Variants in ZFR observed in about 807,000 individuals in gnomAD.
ZFR encodes the protein zinc finger RNA-binding protein.
Under a neutral mutation model 130.7 loss-of-function variants are expected in ZFR, and 19 were observed. The observed-to-expected ratio is 0.15, with a 90% CI of 0.10 to 0.21. The LOEUF (loss-of-function observed/expected upper bound fraction) is 0.21. Ranked by LOEUF, ZFR falls within the 10% of genes least tolerant of loss-of-function variation. ZFR has a pLI of 1.00. For synonymous variants in ZFR, 466 were observed against 456.9 expected (o/e 1.02, Z -0.25); for missense variants, 872 against 1,321.5 (o/e 0.66, Z 5.27).
intron 2 of ZFR, among the ~76,000 whole-genome samples, chr5:32,428,337 C>G (rs936708842): frequency 6.6e-6 from 1 of 152,112 alleles, no homozygotes; most frequent in Non-Finnish European, 1.5e-5. Context: ...TCGCTTGAAC[C>G]AAGGAGGCGG....
At chr5:32,398,661 T>G (rs1207216297) in intron 9 of ZFR, among the ~76,000 whole-genome samples, 5 of 152,146 alleles carry the variant, frequency 3.3e-5, no homozygotes. Context: ...AACAAAGAAT[T>G]CAATACACAA....
At chr5:32,380,348 A>G (rs1752907188) in intron 15 of ZFR, 176 bp from the exon 16 acceptor site, 3 of 473,432 alleles carry the variant, frequency 6.3e-6, no homozygotes, top group Non-Finnish European at 1.1e-5. Context: ...GAGGAACAAA[A>G]GGTTAACTTA....
At chr5:32,411,319 G>T (rs950967513) in intron 5 of ZFR, among the ~76,000 whole-genome samples, 10 of 152,210 alleles carry the variant, frequency 6.6e-5, no homozygotes, top group African/African-American at 2.2e-4. Context: ...AGAGAGAAAT[G>T]AGAGTAACAG....
intron 17 of ZFR, among the ~76,000 whole-genome samples, chr5:32,376,601 C>G (rs144667506): frequency 0.045 from 6,557 of 145,510 alleles, 153 homozygotes; most frequent in Middle Eastern, 0.097. Flanking sequence ...GAGCGAGACT[C>G]TGTGTCAAAA....
chr5:32,418,936 C>T (rs1753892030), intron 3 of ZFR, among the ~76,000 whole-genome samples: 1 of 152,014 alleles, frequency 6.6e-6, no homozygotes, highest in African/African-American at 2.4e-5. Context: ...TGTAGAATTC[C>T]TATAAGACTG....
intron 1 of ZFR, 110 bp from the exon 2 acceptor site, chr5:32,444,438 C>G: frequency 7.5e-7 from 1 of 1,339,184 alleles, no homozygotes. Context: ...GAGAGCAGCC[C>G]TGGCGGGGCC....
At position 32,444,237 on chromosome 5, in the gene ZFR, G is replaced by GGCCGCAGCC; in HGVS notation, c.120_128dup (p.Ala41_Ala43dup). 1.9e-6 allele frequency: 3 copies of GGCCGCAGCC among 1,588,698 alleles called. No homozygotes were observed. Among genetic ancestry groups the GGCCGCAGCC allele is most frequent in the Non-Finnish European group, 2.6e-6 (3 of 1,169,134 alleles). ...AGGCAGGATGCCGTTACCTATATTG[G>GGCCGCAGCC]GCCGCAGCCGCCGCCGCCGCCGCCC... On this transcript the variant is annotated inframe_insertion, in exon 2 of 20. Coordinates refer to ENST00000265069, the MANE Select transcript of ZFR (RefSeq NM_016107.5).
rs370998112 is a variant in ZFR, at chr5:32,436,140, C to CTTTTTT, written c.137+8083_137+8088dup. Among the ~76,000 whole-genome samples, 12 of 91,794 alleles carry CTTTTTT rather than the reference C, an allele frequency of 1.3e-4. 2 individuals carry two copies. Among genetic ancestry groups the CTTTTTT allele is most frequent in the African/African-American group, 2.3e-4 (5 of 22,154 alleles). 60.2% of individuals were successfully genotyped at this position (91,794 alleles called of 152,430 possible). ...TAAAGTTGGTAACCACAGTTGTATT[C>CTTTTTT]TTTTTTTTTTTTTTTTTTTTTTTTT... is the stretch of plus-strand genomic sequence containing the variant. On this transcript the variant is annotated intron_variant, in intron 2 of 19. Coordinates refer to ENST00000265069, the MANE Select transcript of ZFR (RefSeq NM_016107.5).
chr5:32,438,134 T>C (rs1581719925), intron 2 of ZFR, among the ~76,000 whole-genome samples: 1 of 151,862 alleles, frequency 6.6e-6, no homozygotes, highest in Non-Finnish European at 1.5e-5. Flanking sequence ...GAATACTTCA[T>C]TTGTTTTATT....
chr5:32,388,471 G>T lies in ZFR; in HGVS notation c.2346C>A (p.Asp782Glu), dbSNP rs754977283. 2 of 1,613,326 alleles carry T rather than the reference G, an allele frequency of 1.2e-6. No individual in the cohort carries two copies. Among genetic ancestry groups the T allele is most frequent in the Non-Finnish European group, 1.7e-6 (2 of 1,179,648 alleles). Residue 782 changes from aspartate to glutamate, a missense_variant and splice_region_variant, in exon 13 of 20, where the codon GAC (aspartate) becomes GAA (glutamate). Transcript: ENST00000265069. ...GGTAAATAACTTTCAAAACACACCT[G>T]TCTTTACCTCCCTCTTTCTTATCAT... ...EGDDKKEGGK[D>E]RALKGVLRVG...
At chr5:32,385,723 T>C in intron 14 of ZFR, 74 bp from the exon 15 acceptor site, 2 of 1,534,218 alleles carry the variant, frequency 1.3e-6, no homozygotes, top group Non-Finnish European at 1.8e-6. Flanking sequence ...ATTATGGCTC[T>C]TTCACTCTCT....
chr5:32,379,107 C>T lies in ZFR; in HGVS notation c.2835+8G>A, dbSNP rs1314995708. 3.1e-6 allele frequency: 5 copies of T among 1,605,846 alleles called. No individual in the cohort carries two copies. Among genetic ancestry groups the T allele is most frequent in the Non-Finnish European group, 4.3e-6 (5 of 1,172,898 alleles). ...TGTTTTTACACCATACAGTTACGTACTACTTACCCAGCTTGGAAAATCAGA... is the reference window on the plus strand; with the variant it reads ...TGTTTTTACACCATACAGTTACGTATTACTTACCCAGCTTGGAAAATCAGA... On this transcript the variant is annotated splice_region_variant and intron_variant, in intron 17 of 19. Transcript: ENST00000265069.
At chr5:32,374,335 G>C (rs1008690048) in intron 17 of ZFR, among the ~76,000 whole-genome samples, 2 of 151,914 alleles carry the variant, frequency 1.3e-5, no homozygotes, top group Non-Finnish European at 2.9e-5. Context: ...ATGAAACTCT[G>C]TCTCTACTAA....
chr5:32,392,860 T>C (rs760852811), intron 11 of ZFR, among the ~76,000 whole-genome samples: 3 of 152,168 alleles, frequency 2.0e-5, no homozygotes, highest in Non-Finnish European at 4.4e-5. Flanking sequence ...CCAGGCGTGA[T>C]GGCAGGTGCC....
intron 2 of ZFR, among the ~76,000 whole-genome samples, chr5:32,438,410 T>C (rs1329340673): frequency 6.6e-6 from 1 of 151,918 alleles, no homozygotes; most frequent in African/African-American, 2.4e-5. Flanking sequence ...ATTACAGGCA[T>C]GCACCACCAC....
Position 32,390,388 on chromosome 5 carries a change from G to A in ZFR, c.2029C>T (p.His677Tyr). ...GGCATTCGGCGGCGATCATCCCAAT[G>A]ATGTTGTTCTTCCTCCATTCTCCTC... ...YWRRMEEEQH[H>Y]WDDRRRMPDG... Residue 677 changes from histidine to tyrosine, a missense_variant, in exon 12 of 20, where the codon CAT (histidine) becomes TAT (tyrosine). This residue lies in a region of ZFR where 225 missense variants were observed against 282.4 expected (regional missense o/e 0.80). Transcript: ENST00000265069. 6.2e-7 allele frequency: 1 copy of A among 1,614,102 alleles called. No individual in the cohort carries two copies. Among genetic ancestry groups the A allele is most frequent in the Non-Finnish European group, 8.5e-7 (1 of 1,180,008 alleles).
chr5:32,411,759 A>G (rs1376210882), intron 5 of ZFR, among the ~76,000 whole-genome samples: 1 of 150,120 alleles, frequency 6.7e-6, no homozygotes, highest in Non-Finnish European at 1.5e-5. Context: ...ACAGCTTAAC[A>G]ACCATTTATA....
At chr5:32,435,998 T>A (rs1008258410) in intron 2 of ZFR, among the ~76,000 whole-genome samples, 1 of 152,170 alleles carries the variant, frequency 6.6e-6, no homozygotes, top group African/African-American at 2.4e-5. Context: ...CTGTACTAAA[T>A]CCCTAATCCA....
intron 17 of ZFR, among the ~76,000 whole-genome samples, chr5:32,368,465 A>T (rs1192443574): frequency 6.6e-6 from 1 of 152,112 alleles, no homozygotes; most frequent in African/African-American, 2.4e-5. Context: ...TGAACTCTTG[A>T]CCTCAGGTAA....
Sources: allele counts gnomAD v4.1 joint callset (sites outside exome capture counted in the v4.1 genomes callset), GRCh38; gene constraint gnomAD v4.1.1; regional missense constraint gnomAD v4.1.1; transcripts MANE v1.5; gene names NCBI Gene and HGNC (gene_info 2026-07-23, HGNC 2026-07-21).